GATAD2A: variants seen among roughly 807,000 people sequenced by gnomAD.
GATAD2A encodes the protein GATA zinc finger domain containing 2A, also known as transcriptional repressor p66-alpha.
Under a neutral mutation model 68.5 loss-of-function variants are expected in GATAD2A, and 12 were observed. The ratio of observed to expected loss-of-function variants is 0.18; its 90% CI spans 0.11 to 0.28. The LOEUF (loss-of-function observed/expected upper bound fraction) is 0.28, where lower values mean the gene tolerates loss of function less well. Among genes scored for constraint, GATAD2A ranks in the 10% least tolerant of loss-of-function variants. GATAD2A has a pLI of 1.00. For synonymous variants in GATAD2A, 410 were observed against 375.3 expected (o/e 1.09, Z -1.07); for missense variants, 755 against 868.5 (o/e 0.87, Z 1.64).
At chr19:19,394,327 C>G (rs2049061553) in intron 1 of GATAD2A, among the ~76,000 whole-genome samples, 1 of 152,086 alleles carries the variant, frequency 6.6e-6, no homozygotes, top group South Asian at 2.1e-4. Flanking sequence ...TTCAGACAAG[C>G]TGGGGCTGCC....
intron 2 of GATAD2A, among the ~76,000 whole-genome samples, chr19:19,471,610 A>G (rs1343162414): frequency 6.6e-6 from 1 of 152,218 alleles, no homozygotes; most frequent in Non-Finnish European, 1.5e-5. Context: ...GATTGCACAA[A>G]TTTACTGAAA....
At chr19:19,430,092 C>G (rs1381366429) in intron 1 of GATAD2A, among the ~76,000 whole-genome samples, 2 of 152,076 alleles carry the variant, frequency 1.3e-5, no homozygotes, top group African/African-American at 4.8e-5. Flanking sequence ...GCCTTATGGT[C>G]TCTGTTGTTA....
intron 1 of GATAD2A, among the ~76,000 whole-genome samples, chr19:19,422,617 A>C (rs952130302): frequency 3.3e-5 from 5 of 152,178 alleles, no homozygotes; most frequent in African/African-American, 1.2e-4. Flanking sequence ...CTCTTCTTGC[A>C]TCTTCCAATC....
At chr19:19,390,438 A>C (rs1465047488) in intron 1 of GATAD2A, among the ~76,000 whole-genome samples, 4 of 152,132 alleles carry the variant, frequency 2.6e-5, no homozygotes, top group Admixed American at 6.6e-5. Context: ...CAAGGCTAAA[A>C]ATGCCCAAAG....
intron 5 of GATAD2A, 88 bp downstream of exon 5, chr19:19,494,471 C>A: frequency 1.3e-6 from 1 of 795,850 alleles, no homozygotes; most frequent in South Asian, 1.5e-5. Flanking sequence ...ACAGCCCTGG[C>A]CCAGGTTCTG....
intron 2 of GATAD2A, among the ~76,000 whole-genome samples, chr19:19,473,057 T>C (rs1001629176): frequency 6.6e-6 from 1 of 152,250 alleles, no homozygotes; most frequent in East Asian, 1.9e-4. Flanking sequence ...GAGACTGGGC[T>C]GTGGCTTCCG....
At chr19:19,471,252 CA>C (rs536811641) in intron 2 of GATAD2A, among the ~76,000 whole-genome samples, 28,885 of 105,408 alleles carry the variant, frequency 0.27, 3,679 homozygotes, top group African/African-American at 0.45. Flanking sequence ...AAGACTGTCT[CA>C]AAAAAAAAAA....
chr19:19,396,195 T>G (rs1213158809), intron 1 of GATAD2A, among the ~76,000 whole-genome samples: 1 of 151,936 alleles, frequency 6.6e-6, no homozygotes, highest in Non-Finnish European at 1.5e-5. Context: ...GCGCCTCTAA[T>G]CCCAGTTACT....
intron 1 of GATAD2A, among the ~76,000 whole-genome samples, chr19:19,461,700 G>T (rs921143812): frequency 6.6e-6 from 1 of 152,232 alleles, no homozygotes; most frequent in African/African-American, 2.4e-5. Context: ...AGCCCAGTGT[G>T]TGCGGGACGT....
intron 2 of GATAD2A, among the ~76,000 whole-genome samples, chr19:19,490,733 A>G (rs911133676): frequency 1.3e-5 from 2 of 152,168 alleles, no homozygotes; most frequent in Non-Finnish European, 2.9e-5. Context: ...ATACAAAAAA[A>G]AAATTAGCCC....
chr19:19,475,238 G>T (rs570700999), intron 2 of GATAD2A, among the ~76,000 whole-genome samples: 1 of 152,238 alleles, frequency 6.6e-6, no homozygotes, highest in Non-Finnish European at 1.5e-5. Context: ...AGCTGTCGAC[G>T]TGAGGGCTCA....
intron 1 of GATAD2A, among the ~76,000 whole-genome samples, chr19:19,399,933 A>C (rs1363873641): frequency 6.6e-6 from 1 of 151,122 alleles, no homozygotes; most frequent in Non-Finnish European, 1.5e-5. Context: ...TGTGACTAAC[A>C]CTCCTTCCCT....
chr19:19,440,422 C>G (rs2054881396), intron 1 of GATAD2A: 1 of 212,590 alleles, frequency 4.7e-6, no homozygotes, highest in Non-Finnish European at 9.6e-6. Flanking sequence ...AGGCGCCCGC[C>G]ACCACGCCCT....
intron 1 of GATAD2A, among the ~76,000 whole-genome samples, chr19:19,398,687 C>T (rs945526641): frequency 6.6e-6 from 1 of 151,866 alleles, no homozygotes; most frequent in African/African-American, 2.4e-5. Context: ...CCTGTAATCC[C>T]AACATTTTGG....
rs772054275 is a variant in GATAD2A at position 19,495,767 on chromosome 19, G to A, written c.638G>A (p.Arg213Gln). ...TATCGTTGGCAGACCTCTTCAGCTC[G>A]GATGCCCGGCAGTGTCATACCCCCG... ...GKPSLQTSSA[R>Q]MPGSVIPPPL... The change falls in exon 6 of 12, where the codon CGG (arginine) becomes CAG (glutamine). Residue 213 changes from arginine to glutamine, a missense_variant. Arg to Gln is a conservative substitution (Grantham distance 43, BLOSUM62 1). Transcript: ENST00000683918. 89 of 1,611,024 alleles carry A rather than the reference G, an allele frequency of 5.5e-5. No homozygotes were observed. Among genetic ancestry groups the A allele is most frequent in the East Asian group, 1.8e-4 (8 of 44,780 alleles).
At chr19:19,483,052 G>A (rs374439744) in intron 2 of GATAD2A, among the ~76,000 whole-genome samples, 40 of 152,254 alleles carry the variant, frequency 2.6e-4, no homozygotes, top group East Asian at 9.7e-4. Flanking sequence ...GGGCTGTTGC[G>A]TTCCTAGAAG....
At chr19:19,488,588 A>G (rs2059590821) in intron 2 of GATAD2A, among the ~76,000 whole-genome samples, 1 of 152,304 alleles carries the variant, frequency 6.6e-6, no homozygotes, top group Non-Finnish European at 1.5e-5. Context: ...TCGTGTCTCA[A>G]TTTAAGTTTA....
At chr19:19,445,765 AAAT>A (rs1281907358) in intron 1 of GATAD2A, among the ~76,000 whole-genome samples, 1 of 152,206 alleles carries the variant, frequency 6.6e-6, no homozygotes, top group Non-Finnish European at 1.5e-5. Flanking sequence ...TTTTATGGCC[AAAT>A]AATATTCCAT....
At chr19:19,496,003 A>G (rs769686468) in intron 6 of GATAD2A, 49 bp from the exon 7 acceptor site, 4 of 1,598,168 alleles carry the variant, frequency 2.5e-6, no homozygotes, top group Non-Finnish European at 3.4e-6. Context: ...GTCCCGCTCC[A>G]TTGTTGATCT....
Sources: allele counts gnomAD v4.1 joint callset (sites outside exome capture counted in the v4.1 genomes callset), GRCh38; gene constraint gnomAD v4.1.1; transcripts MANE v1.5; gene names NCBI Gene and HGNC (gene_info 2026-07-23, HGNC 2026-07-21).